The following GNG5 variants were observed in gnomAD, a reference collection of about 807,000 sequenced individuals.
GNG5 encodes the protein G protein subunit gamma 5, also known as guanine nucleotide-binding protein G(I)/G(S)/G(O) subunit gamma-5.
GNG5 carries 2 observed loss-of-function variants against 6.2 expected under a neutral mutation model. The ratio of observed to expected loss-of-function variants is 0.32; its 90% confidence interval spans 0.13 to 1.01. The LOEUF (loss-of-function observed/expected upper bound fraction) is 1.01, where lower values mean the gene tolerates loss of function less well. Ranked by LOEUF, GNG5 falls within the 50% of genes least tolerant of loss-of-function variation. The pLI is 0.48. For missense variants in GNG5, 57 were observed against 80.2 expected, an observed-to-expected ratio of 0.71 and a Z score of 1.10; for synonymous variants, 24 against 33.0, an observed-to-expected ratio of 0.73 and a Z score of 0.93.
intron 3 of GNG5, among the ~76,000 whole-genome samples, chr1:84,498,756 G>A (rs1257091073): frequency 2.0e-5 from 3 of 152,090 alleles, no homozygotes; most frequent in African/African-American, 7.2e-5. Context: ...AACTTGCTAA[G>A]ATTACTGCCA....
rs1025295738 is a variant in GNG5 at position 84,506,271 on chromosome 1, T to A, written c.-180A>T. ...CATGCGCGCCTTGCCAGCCCTCTGT[T>A]CCAGCTCCACACCCGGCCCCGAGCG... On this transcript the variant is annotated 5_prime_UTR_variant, in exon 2 of 4. Coordinates refer to ENST00000370645, the MANE Select transcript of GNG5 (RefSeq NM_005274.3). 4.4e-6 allele frequency: 2 copies of A among 456,454 alleles called. No individual in the cohort carries two copies. Among genetic ancestry groups the A allele is most frequent in the Non-Finnish European group, 7.6e-6 (2 of 263,118 alleles). The allele number at this position is 456,454 out of a possible 1,614,324, so 28.3% of individuals were successfully genotyped here.
At chr1:84,500,976 C>T (rs1682046121) in intron 3 of GNG5, among the ~76,000 whole-genome samples, 1 of 152,134 alleles carries the variant, frequency 6.6e-6, no homozygotes, top group Admixed American at 6.5e-5. Context: ...CATTCCCTAA[C>T]TAAAGTACTA....
intron 2 of GNG5, among the ~76,000 whole-genome samples, chr1:84,504,769 A>C (rs1004458976): frequency 6.6e-6 from 1 of 152,230 alleles, no homozygotes; most frequent in African/African-American, 2.4e-5. Context: ...TCCCACACCA[A>C]GACGAATGAG....
Position 84,500,325 on chromosome 1 carries a change from G to A in GNG5, c.*19+1501C>T, listed in dbSNP as rs1682030649. On this transcript the variant is annotated intron_variant, in intron 3 of 3. Coordinates refer to ENST00000370645, the MANE Select transcript of GNG5 (RefSeq NM_005274.3). ...TGCTGCAAATCTTAATATCCACAAA[G>A]CTGTTTTCTTATACTGCTGGGATTA... 2.6e-5 allele frequency among the ~76,000 whole-genome samples: 4 copies of A among 152,106 alleles called. No individual in the cohort carries two copies. The South Asian group carries it at 8.3e-4, about 31-fold the overall frequency.
intron 2 of GNG5, among the ~76,000 whole-genome samples, chr1:84,502,883 A>C (rs956122356): frequency 1.3e-5 from 2 of 152,224 alleles, no homozygotes; most frequent in Non-Finnish European, 2.9e-5. Flanking sequence ...TTAGACATCT[A>C]CTATTTCTAT....
At chr1:84,505,989 T>G (rs1446821250) in intron 2 of GNG5, 22 bp downstream of exon 2, 6 of 1,462,726 alleles carry the variant, frequency 4.1e-6, no homozygotes. Context: ...TCCTCCCGCC[T>G]CGGCCGCCCG....
intron 2 of GNG5, among the ~76,000 whole-genome samples, chr1:84,505,746 T>G (rs1426975919): frequency 1.3e-5 from 2 of 152,148 alleles, no homozygotes; most frequent in Non-Finnish European, 2.9e-5. Context: ...GACCGGAATG[T>G]CGGCCACGGT....
intron 3 of GNG5, among the ~76,000 whole-genome samples, chr1:84,499,948 A>G (rs981108056): frequency 3.3e-5 from 5 of 152,314 alleles, no homozygotes; most frequent in Admixed American, 2.6e-4. Flanking sequence ...TACAAAAAGT[A>G]GCCGGGCGTG....
Position 84,498,355 on chromosome 1 carries a change from G to A in GNG5, c.*213C>T, listed in dbSNP as rs911801547. On this transcript the variant is annotated 3_prime_UTR_variant, in exon 4 of 4. Transcript: ENST00000370645. ...TTCATACTAAGTTTTATTGTATGCTGCTGCCAGTGTATATAAAACAATTAC... is the reference window on the plus strand; with the variant it reads ...TTCATACTAAGTTTTATTGTATGCTACTGCCAGTGTATATAAAACAATTAC... 1 of 152,626 alleles carries A rather than the reference G, an allele frequency of 6.6e-6. No homozygotes were observed. 9.5% of individuals were successfully genotyped at this position (152,626 alleles called of 1,614,324 possible).
In GNG5 at chr1:84,506,136, G is replaced by A. The variant is rs76421103; in HGVS notation, c.-45C>T. ...CCGATTCGTGGGTCGGTGGGTCGTG[G>A]GCCGTGGGTCGGCGGGGCCAGACAA... On this transcript the variant is annotated 5_prime_UTR_variant, in exon 2 of 4. Transcript: ENST00000370645. 49,239 of 1,525,882 alleles carry A rather than the reference G, an allele frequency of 0.032. 1,400 individuals carry two copies. Among genetic ancestry groups the A allele is most frequent in the African/African-American group, 0.12 (8,755 of 70,272 alleles). The allele number at this position is 1,525,882 out of a possible 1,614,324, so 94.5% of individuals were successfully genotyped here. A position where few individuals can be genotyped will look rare whatever the true frequency, so the allele number is the denominator to read the frequency against.
In GNG5 at chr1:84,501,765, G is replaced by A. The variant is rs1682061426; in HGVS notation, c.*19+61C>T. 13 of 1,012,214 alleles carry A rather than the reference G, an allele frequency of 1.3e-5. 1 individual carries two copies. Among genetic ancestry groups the A allele is most frequent in the Non-Finnish European group, 1.9e-5 (12 of 647,602 alleles). 62.7% of individuals were successfully genotyped at this position (1,012,214 alleles called of 1,614,324 possible). A position where few individuals can be genotyped will look rare whatever the true frequency, so the allele number is the denominator to read the frequency against. The stretch of plus-strand genomic sequence containing the variant: ...GGGATGATCTTTTAAGTGCTGCAAA[G>A]AAAGAGAAGACTAGTTATTCCTACA... On this transcript the variant is annotated intron_variant, in intron 3 of 3. Transcript: ENST00000370645.
chr1:84,499,769 G>A (rs901862642), intron 3 of GNG5, among the ~76,000 whole-genome samples: 1 of 152,002 alleles, frequency 6.6e-6, no homozygotes, highest in Non-Finnish European at 1.5e-5. Context: ...GTGTAAAAGA[G>A]GAAAAATTTC....
chr1:84,506,302 C>T lies in GNG5; in HGVS notation c.-210-1G>A. 2.4e-6 allele frequency: 1 copy of T among 413,796 alleles called. No individual in the cohort carries two copies. Among genetic ancestry groups the T allele is most frequent in the Non-Finnish European group, 4.3e-6 (1 of 231,674 alleles). The allele number at this position is 413,796 out of a possible 1,614,324, so 25.6% of individuals were successfully genotyped here. A position where few individuals can be genotyped will look rare whatever the true frequency, so the allele number is the denominator to read the frequency against. On this transcript the variant is annotated splice_acceptor_variant, in intron 1 of 3. Transcript: ENST00000370645. LOFTEE classifies it low-confidence loss of function (5UTR_SPLICE). ...TCCACACCCGGCCCCGAGCGCGAGC[C>T]TGGAGGAGGGGGAGGAGAAGGGGCG...
At chr1:84,503,847 G>A (rs1170283555) in intron 2 of GNG5, 2 of 152,230 alleles carry the variant, frequency 1.3e-5, no homozygotes, top group South Asian at 2.1e-4. Context: ...TTTAGATGGT[G>A]ACTGGGTGCC....
intron 3 of GNG5, among the ~76,000 whole-genome samples, chr1:84,499,952 G>A (rs1285898451): frequency 6.6e-6 from 1 of 152,178 alleles, no homozygotes; most frequent in Non-Finnish European, 1.5e-5. Context: ...AAAAGTAGCC[G>A]GGCGTGGTGG....
intron 3 of GNG5, among the ~76,000 whole-genome samples, chr1:84,499,786 T>C (rs1481169273): frequency 6.6e-6 from 1 of 152,040 alleles, no homozygotes. Flanking sequence ...TTTCAAAAGC[T>C]GGAATCTCAA....
At chr1:84,504,697 G>A (rs1284285180) in intron 2 of GNG5, among the ~76,000 whole-genome samples, 1 of 152,174 alleles carries the variant, frequency 6.6e-6, no homozygotes, top group Non-Finnish European at 1.5e-5. Flanking sequence ...TGGGAGAGTA[G>A]AGAAATGGAT....
chr1:84,504,799 T>C (rs960017424), intron 2 of GNG5, among the ~76,000 whole-genome samples: 1 of 151,664 alleles, frequency 6.6e-6, no homozygotes, highest in African/African-American at 2.4e-5. Context: ...CCCTTCTGAG[T>C]TGACCACAAC....
chr1:84,505,191 AGC>A (rs1558554650), intron 2 of GNG5, among the ~76,000 whole-genome samples: 1 of 152,262 alleles, frequency 6.6e-6, no homozygotes, highest in Non-Finnish European at 1.5e-5. Flanking sequence ...TACTTAGAAC[AGC>A]ACTTGAATGT....
Sources: gnomAD v4.1 joint callset for allele counts (sites outside exome capture counted in the v4.1 genomes callset) on GRCh38, gnomAD v4.1.1 for gene constraint, MANE v1.5 for transcripts, NCBI Gene and HGNC (gene_info 2026-07-23, HGNC 2026-07-21) for gene names.